Variants in FER observed in about 807,000 individuals in gnomAD.
FER encodes the protein tyrosine-protein kinase Fer.
A neutral mutation model predicts 111.0 loss-of-function variants in FER; 63 were observed. That is an observed-to-expected ratio of 0.57 (90% CI 0.46 to 0.70). The LOEUF (loss-of-function observed/expected upper bound fraction) is 0.70. FER is among the 30% of genes least tolerant of loss of function. FER has a pLI of 0.00. For missense variants in FER, 914 were observed against 954.0 expected, an observed-to-expected ratio of 0.96 and a Z score of 0.55; for synonymous variants, 327 against 313.9, an observed-to-expected ratio of 1.04 and a Z score of -0.44.
intron 3 of FER, among the ~76,000 whole-genome samples, chr5:108,829,312 C>T (rs964094698): frequency 6.6e-6 from 1 of 152,070 alleles, no homozygotes; most frequent in African/African-American, 2.4e-5. Flanking sequence ...TCTTCACTAT[C>T]ACATTATAAT....
chr5:109,044,700 T>C lies in FER; in HGVS notation c.1734T>C (p.Tyr578=). 2 of 1,578,766 alleles carry C rather than the reference T, an allele frequency of 1.3e-6. No individual in the cohort carries two copies. The highest frequency in any genetic ancestry group is 1.9e-5 in the Admixed American group (1 of 53,846). The change falls in exon 15 of 20, where the codon TAT becomes TAC. Residue 578 remains tyrosine (Y), a synonymous_variant. Coordinates refer to ENST00000281092, the MANE Select transcript of FER (RefSeq NM_005246.4). The part of the protein sequence containing the change: ...LLGKGNFGEV[Y]KGTLKDKTSV... ...TTCAGGGAAATTTTGGTGAAGTATA[T>C]AAGGGCACATTAAAGGATAAAACTT...
chr5:108,868,992 A>AT (rs557221737), intron 6 of FER, among the ~76,000 whole-genome samples: 108 of 151,192 alleles, frequency 7.1e-4, no homozygotes, highest in Admixed American at 1.5e-3. Flanking sequence ...TTGTGTGAAC[A>AT]TTTTTTTTTG....
intron 13 of FER, among the ~76,000 whole-genome samples, chr5:108,968,804 A>T (rs549854787): frequency 2.0e-4 from 30 of 152,214 alleles, no homozygotes; most frequent in African/African-American, 7.2e-4. Context: ...CATACCACAA[A>T]AGGGTGAATC....
intron 13 of FER, among the ~76,000 whole-genome samples, chr5:108,981,371 G>GA (rs1451766919): frequency 1.3e-5 from 2 of 151,316 alleles, no homozygotes; most frequent in Non-Finnish European, 1.5e-5. Flanking sequence ...GGAGAGAAGA[G>GA]AAAAAAAGCA....
chr5:108,983,714 C>G (rs1762248919), intron 13 of FER, among the ~76,000 whole-genome samples: 1 of 152,050 alleles, frequency 6.6e-6, no homozygotes, highest in Non-Finnish European at 1.5e-5. Flanking sequence ...ATTTTAATGG[C>G]AGAATCAAGG....
intron 17 of FER, among the ~76,000 whole-genome samples, chr5:109,172,375 A>G (rs967407894): frequency 1.1e-4 from 17 of 151,100 alleles, no homozygotes; most frequent in South Asian, 6.3e-4. Flanking sequence ...TCAGTAAACT[A>G]TCGCAAGGAC....
intron 14 of FER, among the ~76,000 whole-genome samples, chr5:109,042,814 A>T (rs1428725655): frequency 6.6e-6 from 1 of 152,174 alleles, no homozygotes; most frequent in Admixed American, 6.5e-5. Context: ...AAGGCATGAC[A>T]CGTATTTAGG....
chr5:108,752,841 C>G (rs1409035539), intron 1 of FER, among the ~76,000 whole-genome samples: 1 of 151,962 alleles, frequency 6.6e-6, no homozygotes, highest in African/African-American at 2.4e-5. Context: ...TTCATCATCA[C>G]CATTCATTAT....
At chr5:109,161,840 G>A (rs1477995341) in intron 17 of FER, among the ~76,000 whole-genome samples, 2 of 152,042 alleles carry the variant, frequency 1.3e-5, no homozygotes, top group Non-Finnish European at 2.9e-5. Context: ...TTGAGGAATC[G>A]CCACACTGTC....
At chr5:108,776,290 T>C (rs1271954076) in intron 2 of FER, among the ~76,000 whole-genome samples, 1 of 152,164 alleles carries the variant, frequency 6.6e-6, no homozygotes. Flanking sequence ...TTCAGTAGTA[T>C]AGTTGAATCT....
chr5:109,174,787 A>G (rs1192245526), intron 17 of FER, among the ~76,000 whole-genome samples: 1 of 152,206 alleles, frequency 6.6e-6, no homozygotes, highest in African/African-American at 2.4e-5. Context: ...GCCATTGGCC[A>G]TGGGTTAAGG....
chr5:108,789,311 C>A (rs1283808832), intron 2 of FER, among the ~76,000 whole-genome samples: 2 of 151,922 alleles, frequency 1.3e-5, no homozygotes, highest in Admixed American at 6.6e-5. Flanking sequence ...GGCATGCCAT[C>A]TCCCACTACT....
chr5:109,187,712 TAAAAGTACGTTCCACTTGTA>T lies in FER; in HGVS notation c.*144_*163del. On this transcript the variant is annotated 3_prime_UTR_variant, in exon 20 of 20. Coordinates refer to ENST00000281092, the MANE Select transcript of FER (RefSeq NM_005246.4). ...ATTATTTTTTATTAACTGGGTGTTT[TAAAAGTACGTTCCACTTGTA>T]AAAAGTCAAAGGCAAATTTGTTAAA... is the stretch of plus-strand genomic sequence containing the variant. 1 of 1,101,964 alleles carries T rather than the reference TAAAAGTACGTTCCACTTGTA, an allele frequency of 9.1e-7. No individual in the cohort carries two copies. Among genetic ancestry groups the T allele is most frequent in the Non-Finnish European group, 1.3e-6 (1 of 781,618 alleles). The allele number at this position is 1,101,964 out of a possible 1,614,324, so 68.3% of individuals were successfully genotyped here.
intron 3 of FER, among the ~76,000 whole-genome samples, chr5:108,813,575 T>C (rs2150083450): frequency 6.6e-6 from 1 of 152,330 alleles, no homozygotes; most frequent in East Asian, 1.9e-4. Context: ...TTTTCTTTCT[T>C]CTCTGTGTTT....
At chr5:108,841,596 A>G (rs947618954) in intron 5 of FER, among the ~76,000 whole-genome samples, 4 of 152,144 alleles carry the variant, frequency 2.6e-5, no homozygotes, top group African/African-American at 4.8e-5. Context: ...ACTATCATCA[A>G]TGCTGTTGTT....
chr5:109,024,192 G>A (rs976874212), intron 13 of FER, among the ~76,000 whole-genome samples: 3 of 152,278 alleles, frequency 2.0e-5, no homozygotes, highest in South Asian at 2.1e-4. Flanking sequence ...CTGCAGTGCT[G>A]TAGATCATTG....
At chr5:108,809,309 C>T (rs10477937) in intron 3 of FER, among the ~76,000 whole-genome samples, 34,709 of 151,964 alleles carry the variant, frequency 0.23, 4,146 homozygotes, top group African/African-American at 0.28. Context: ...TTTTTATTTA[C>T]TTTTGTCTGA....
chr5:109,068,478 G>A (rs757614618), intron 16 of FER, among the ~76,000 whole-genome samples: 11 of 152,102 alleles, frequency 7.2e-5, no homozygotes, highest in Non-Finnish European at 7.4e-5. Context: ...CACCGTGCCC[G>A]TTGCTCTGTT....
intron 5 of FER, among the ~76,000 whole-genome samples, chr5:108,861,328 A>G (rs1763496237): frequency 6.6e-6 from 1 of 152,206 alleles, no homozygotes; most frequent in African/African-American, 2.4e-5. Context: ...TCTCTTGTAA[A>G]TGTCAAACTT....
Sources: gnomAD v4.1 joint callset for allele counts (sites outside exome capture counted in the v4.1 genomes callset) on GRCh38, gnomAD v4.1.1 for gene constraint, MANE v1.5 for transcripts, NCBI Gene and HGNC (gene_info 2026-07-23, HGNC 2026-07-21) for gene names.